The following AGFG1 variants were observed in gnomAD, a reference collection of about 807,000 sequenced individuals.
The protein encoded by AGFG1 is ArfGAP with FG repeats 1.
AGFG1 carries 10 observed loss-of-function variants against 60.6 expected under a neutral mutation model. The ratio of observed to expected loss-of-function variants is 0.16; its 90% confidence interval spans 0.10 to 0.28. The LOEUF (loss-of-function observed/expected upper bound fraction) is 0.28. Among genes scored for constraint, AGFG1 ranks in the 10% least tolerant of loss-of-function variants. The probability of loss-of-function intolerance (pLI) is 1.00; values close to 1 mark genes in which losing one functional copy is unlikely to be tolerated. For synonymous variants in AGFG1, 247 were observed against 242.9 expected (o/e 1.02, Z -0.16); for missense variants, 537 against 676.5 (o/e 0.79, Z 2.29).
At chr2:227,482,028 G>A (rs1044832104) in intron 1 of AGFG1, among the ~76,000 whole-genome samples, 7 of 151,798 alleles carry the variant, frequency 4.6e-5, no homozygotes, top group South Asian at 2.1e-4. Flanking sequence ...ACCTTGCCCC[G>A]CTAATTTTTT....
intron 10 of AGFG1, among the ~76,000 whole-genome samples, chr2:227,539,288 C>G (rs1040405016): frequency 6.6e-6 from 1 of 151,824 alleles, no homozygotes; most frequent in African/African-American, 2.4e-5. Context: ...ACTAAAAATG[C>G]AAAAATTAGC....
rs369476302 is a variant in AGFG1, at chr2:227,534,985, A to G, written c.1165A>G (p.Thr389Ala). The change falls in exon 8 of 13, where the codon ACC becomes GCC. Residue 389 changes from threonine (T) to alanine (A), a missense_variant. Physicochemically the swap from Thr to Ala is moderately conservative, Grantham distance 58. Transcript: ENST00000310078. ...ELDSVFSSAA[T>A]SSNAYTSTSN... is the part of the protein sequence containing the mutation. ...AGACAGCGTTTTCAGTTCTGCAGCCACCTCCAGTAATGCGTATACTTCCAC... is the reference window on the plus strand; with the variant it reads ...AGACAGCGTTTTCAGTTCTGCAGCCGCCTCCAGTAATGCGTATACTTCCAC... The G allele has an allele frequency of 1.4e-5, 22 of 1,613,608 alleles. No homozygotes were observed. In the African/African-American group the frequency reaches 2.8e-4, roughly 21 times the overall value.
rs1273657445 is a variant in AGFG1 at position 227,501,336 on chromosome 2, C to T, written c.261+9696C>T. Among the ~76,000 whole-genome samples, 6 of 152,214 alleles carry T rather than the reference C, an allele frequency of 3.9e-5. No homozygotes were observed. The East Asian group carries it at 1.2e-3, about 29-fold the overall frequency. On this transcript the variant is annotated intron_variant, in intron 2 of 12. Coordinates refer to ENST00000310078, the MANE Select transcript of AGFG1 (RefSeq NM_004504.5). The stretch of plus-strand genomic sequence containing the variant: ...CCTCAGGTGATCTGTCCACCTTGGC[C>T]TCCTAAAGTGTTGGGATTATAGGCA...
intron 10 of AGFG1, among the ~76,000 whole-genome samples, chr2:227,543,108 C>G (rs1692543040): frequency 6.6e-6 from 1 of 152,162 alleles, no homozygotes; most frequent in South Asian, 2.1e-4. Context: ...AAAAAACCAG[C>G]TCCTGGATTC....
chr2:227,502,882 C>G (rs1018608763), intron 2 of AGFG1, among the ~76,000 whole-genome samples: 7 of 152,076 alleles, frequency 4.6e-5, no homozygotes, highest in African/African-American at 1.7e-4. Flanking sequence ...ACACTTCTAG[C>G]TCTATTGTTG....
At chr2:227,544,923 A>T (rs1191721427) in intron 10 of AGFG1, among the ~76,000 whole-genome samples, 2 of 151,964 alleles carry the variant, frequency 1.3e-5, no homozygotes, top group Non-Finnish European at 2.9e-5. Flanking sequence ...GGTGAATCTG[A>T]CAATTATGTA....
intron 2 of AGFG1, among the ~76,000 whole-genome samples, chr2:227,495,447 G>A (rs1157179515): frequency 6.6e-6 from 1 of 151,604 alleles, no homozygotes; most frequent in East Asian, 1.9e-4. Flanking sequence ...CCAGGAGGCT[G>A]AGGTGGGAGC....
chr2:227,519,790 A>G (rs1444192781), intron 2 of AGFG1, among the ~76,000 whole-genome samples, 158 bp from the exon 3 acceptor site: 2 of 152,260 alleles, frequency 1.3e-5, no homozygotes, highest in African/African-American at 4.8e-5. Context: ...CAACATATTA[A>G]AAATAAATTT....
At chr2:227,490,934 C>T (rs76771047) in intron 1 of AGFG1, among the ~76,000 whole-genome samples, 1,693 of 152,238 alleles carry the variant, frequency 0.011, 17 homozygotes, top group Non-Finnish European at 0.016. Context: ...GAATCTCTTC[C>T]GTATGTCCCT....
At chr2:227,535,147 T>C (rs1402838139) in intron 8 of AGFG1, 122 bp downstream of exon 8, 16 of 1,082,646 alleles carry the variant, frequency 1.5e-5, no homozygotes, top group South Asian at 2.0e-5. Flanking sequence ...TTTTTGTAAA[T>C]TTGAGGAATT....
At chr2:227,516,555 C>T (rs533606340) in intron 2 of AGFG1, among the ~76,000 whole-genome samples, 1 of 152,250 alleles carries the variant, frequency 6.6e-6, no homozygotes, top group South Asian at 2.1e-4. Flanking sequence ...TTTTCTCTAG[C>T]AGTGTGACCT....
chr2:227,473,264 G>A (rs1690172603), intron 1 of AGFG1, among the ~76,000 whole-genome samples: 1 of 152,176 alleles, frequency 6.6e-6, no homozygotes, highest in African/African-American at 2.4e-5. Context: ...TTGCGGGAGG[G>A]GGAGGCAGAG....
chr2:227,483,685 T>G (rs1251181237), intron 1 of AGFG1, among the ~76,000 whole-genome samples: 1 of 152,238 alleles, frequency 6.6e-6, no homozygotes, highest in Non-Finnish European at 1.5e-5. Flanking sequence ...TAAGTAGTAT[T>G]CCATTGCTTG....
intron 1 of AGFG1, among the ~76,000 whole-genome samples, chr2:227,481,813 C>T (rs1020487762): frequency 6.7e-6 from 1 of 150,270 alleles, no homozygotes; most frequent in African/African-American, 2.5e-5. Flanking sequence ...CCTTTACTGT[C>T]ATTTCGTTGT....
chr2:227,488,754 A>C (rs1212427300), intron 1 of AGFG1, among the ~76,000 whole-genome samples: 3 of 152,242 alleles, frequency 2.0e-5, no homozygotes, highest in East Asian at 3.8e-4. Context: ...TTGGAAACAA[A>C]GTGTTGTGCC....
intron 2 of AGFG1, among the ~76,000 whole-genome samples, chr2:227,506,066 A>G (rs1435840837): frequency 2.6e-5 from 4 of 152,164 alleles, no homozygotes; most frequent in Non-Finnish European, 5.9e-5. Context: ...GAATATAAGT[A>G]TACTAGCTAT....
chr2:227,480,715 C>T (rs575763535), intron 1 of AGFG1, among the ~76,000 whole-genome samples: 2 of 152,242 alleles, frequency 1.3e-5, no homozygotes, highest in East Asian at 3.9e-4. Flanking sequence ...TCTGGAAATT[C>T]CCTTCACTTG....
chr2:227,530,176 C>T (rs899027914), intron 5 of AGFG1, among the ~76,000 whole-genome samples: 14 of 152,086 alleles, frequency 9.2e-5, no homozygotes, highest in Admixed American at 2.6e-4. Flanking sequence ...TTTTGAAATA[C>T]GATTATTCAA....
Position 227,536,978 on chromosome 2 carries a change from G to A in AGFG1, c.1363G>A (p.Ala455Thr). 1 of 1,612,596 alleles carries A rather than the reference G, an allele frequency of 6.2e-7. No individual in the cohort carries two copies. Among genetic ancestry groups the A allele is most frequent in the Non-Finnish European group, 8.5e-7 (1 of 1,179,104 alleles). ...TTCTACAAACCCATTTCAGACCAAT[G>A]CCAGAGGAGCAACAGGTAAGAAAAA... ...ASSTNPFQTNARGATAATFGT... is the reference protein window; with the variant it reads ...ASSTNPFQTNTRGATAATFGT... The change falls in exon 10 of 13, where the codon GCC (alanine) becomes ACC (threonine). Residue 455 changes from alanine (A) to threonine (T), a missense_variant. Ala to Thr is a moderately conservative substitution (Grantham distance 58). This residue lies in a region of AGFG1 where 287 missense variants were observed against 343.6 expected (regional missense o/e 0.84). Transcript: ENST00000310078.
Sources: gnomAD v4.1 joint callset for allele counts (sites outside exome capture counted in the v4.1 genomes callset) on GRCh38, gnomAD v4.1.1 for gene constraint, gnomAD v4.1.1 regional missense constraint, MANE v1.5 for transcripts, NCBI Gene and HGNC (gene_info 2026-07-23, HGNC 2026-07-21) for gene names.